The following CDK13 variants were observed in gnomAD, a reference collection of about 807,000 sequenced individuals.
The protein encoded by CDK13 is cyclin-dependent kinase 13.
Under a neutral mutation model 137.6 loss-of-function variants are expected in CDK13, and 40 were observed. The observed-to-expected ratio is 0.29, with a 90% CI of 0.23 to 0.38. The LOEUF is 0.38. Among genes scored for constraint, CDK13 ranks in the 10% least tolerant of loss-of-function variants. The pLI, the probability that CDK13 is intolerant of heterozygous loss-of-function variation, is 1.00. For synonymous variants in CDK13, 869 were observed against 760.1 expected (o/e 1.14, Z -2.36); for missense variants, 1,704 against 1,951.8 (o/e 0.87, Z 2.39).
chr7:39,981,144 A>G (rs1784213895), intron 1 of CDK13, among the ~76,000 whole-genome samples: 1 of 152,140 alleles, frequency 6.6e-6, no homozygotes, highest in Non-Finnish European at 1.5e-5. Context: ...AAGTGGACAG[A>G]TCACTTGAGT....
At chr7:40,052,540 G>T (rs1381436023) in intron 7 of CDK13, among the ~76,000 whole-genome samples, 2 of 152,044 alleles carry the variant, frequency 1.3e-5, no homozygotes, top group South Asian at 2.1e-4. Context: ...ACAATAACCA[G>T]AAAGCATACT....
At position 39,967,928 on chromosome 7, in the gene CDK13, G is replaced by T. The variant is rs536617748; in HGVS notation, c.1211+16076G>T. 7.9e-5 allele frequency among the ~76,000 whole-genome samples: 12 copies of T among 151,858 alleles called. No individual in the cohort carries two copies. The East Asian group carries it at 2.3e-3, about 29-fold the overall frequency. ...AATTGAGATGGGATCTTGCTATGTT[G>T]CCCAGGCTGGTCTCAAACTCCTGGG... On this transcript the variant is annotated intron_variant, in intron 1 of 13. Coordinates refer to ENST00000181839, the MANE Select transcript of CDK13 (RefSeq NM_003718.5).
intron 1 of CDK13, among the ~76,000 whole-genome samples, chr7:39,960,801 C>T (rs901976509): frequency 4.0e-5 from 6 of 150,490 alleles, no homozygotes. Context: ...TCTCGAACTC[C>T]TGACCTCAGG....
At chr7:40,037,433 A>G (rs699513) in intron 5 of CDK13, among the ~76,000 whole-genome samples, 15,268 of 152,216 alleles carry the variant, frequency 0.1, 973 homozygotes, top group Non-Finnish European at 0.14. Flanking sequence ...TGGGCCTTCC[A>G]CAAAGTTGCT....
intron 2 of CDK13, among the ~76,000 whole-genome samples, chr7:39,994,351 G>A (rs1029130706): frequency 2.0e-5 from 3 of 152,008 alleles, no homozygotes; most frequent in Non-Finnish European, 4.4e-5. Context: ...GTTGTTACTG[G>A]TACCGTTTAT....
At chr7:40,063,774 C>T (rs1317480116) in intron 9 of CDK13, among the ~76,000 whole-genome samples, 3 of 152,006 alleles carry the variant, frequency 2.0e-5, no homozygotes, top group Non-Finnish European at 4.4e-5. Context: ...TCTCCTGCCT[C>T]AGCCTCCCGA....
intron 5 of CDK13, among the ~76,000 whole-genome samples, chr7:40,028,806 C>T (rs1402233940): frequency 2.0e-5 from 3 of 151,370 alleles, no homozygotes; most frequent in African/African-American, 7.3e-5. Flanking sequence ...TTACTATGAC[C>T]ACAGTAATGC....
intron 1 of CDK13, among the ~76,000 whole-genome samples, chr7:39,982,098 C>T (rs1275707159): frequency 6.7e-6 from 1 of 149,876 alleles, no homozygotes; most frequent in African/African-American, 2.5e-5. Context: ...ATGTGCCATG[C>T]TGGTGTGCTG....
rs1337667375 is a variant in CDK13, at chr7:39,989,784, CT to C, written c.1871+1542del. ...GAGACTGGTGTTTCTCTACTTTATC[CT>C]TTTTTTTTTTTTTTTGAGACGGAGT... On this transcript the variant is annotated intron_variant, in intron 2 of 13. Transcript: ENST00000181839. Among the ~76,000 whole-genome samples the C allele has an allele frequency of 6.0e-3, 832 of 138,872 alleles. 3 individuals carry two copies. The highest frequency in any genetic ancestry group is 0.015 in the African/African-American group (560 of 38,088). The allele number at this position is 138,872 out of a possible 152,430, so 91.1% of individuals were successfully genotyped here.
intron 1 of CDK13, among the ~76,000 whole-genome samples, chr7:39,955,917 A>G (rs1206187914): frequency 6.6e-6 from 1 of 152,186 alleles, no homozygotes; most frequent in East Asian, 1.9e-4. Context: ...CATTCCACCA[A>G]GAAGCACAGA....
intron 1 of CDK13, among the ~76,000 whole-genome samples, chr7:39,973,268 C>T (rs1425539419): frequency 6.6e-6 from 1 of 152,080 alleles, no homozygotes; most frequent in Non-Finnish European, 1.5e-5. Context: ...TCCTGAGCAG[C>T]TGGGACCACA....
intron 10 of CDK13, 143 bp from the exon 11 acceptor site, chr7:40,078,577 A>G (rs1786596047): frequency 2.8e-6 from 1 of 357,672 alleles, no homozygotes; most frequent in Non-Finnish European, 4.7e-6. Context: ...AGTATTATGC[A>G]CATATTAAAA....
intron 1 of CDK13, chr7:39,984,282 A>T (rs1308916285): frequency 1.3e-5 from 2 of 152,074 alleles, no homozygotes; most frequent in Admixed American, 6.6e-5. Flanking sequence ...ATGGTGGCGC[A>T]CACCTGTTGT....
intron 5 of CDK13, among the ~76,000 whole-genome samples, chr7:40,003,192 ACACACACACACACACT>A (rs1367081307): frequency 8.2e-5 from 8 of 98,100 alleles, no homozygotes; most frequent in Non-Finnish European, 1.1e-4. Context: ...ACACACACAC[ACACACACACACACACT>A]CTCTCTCTCT....
At chr7:39,977,308 C>A (rs1370596317) in intron 1 of CDK13, among the ~76,000 whole-genome samples, 4 of 152,166 alleles carry the variant, frequency 2.6e-5, no homozygotes, top group African/African-American at 7.2e-5. Flanking sequence ...GCTGTGAATT[C>A]TTTTCAATAG....
At position 39,950,751 on chromosome 7, in the gene CDK13, C is replaced by A. The variant is rs1787126820; in HGVS notation, c.110C>A (p.Pro37Gln). Residue 37 changes from proline to glutamine, a missense_variant, in exon 1 of 14, where the codon CCG becomes CAG. Physicochemically the swap from Pro to Gln is moderately conservative, Grantham distance 76. Around this residue, in one of 5 missense-constraint regions of CDK13, gnomAD observed 1,051 missense variants for 931.0 expected, o/e 1.13. Coordinates refer to ENST00000181839, the MANE Select transcript of CDK13 (RefSeq NM_003718.5). Reference sequence around the variant, plus strand: ...AGGCGATTCCTGTCCCCTCAGCAGCCGCCGCTGCTGTTGCCGCTCCTGCAG... The same window carrying A: ...AGGCGATTCCTGTCCCCTCAGCAGCAGCCGCTGCTGTTGCCGCTCCTGCAG... The part of the protein sequence containing the change: ...KRRRFLSPQQ[P>Q]PLLLPLLQPQ... 3 of 1,475,628 alleles carry A rather than the reference C, an allele frequency of 2.0e-6. No homozygotes were observed. Among genetic ancestry groups the A allele is most frequent in the African/African-American group, 1.5e-5 (1 of 68,220 alleles). The allele number at this position is 1,475,628 out of a possible 1,614,324, so 91.4% of individuals were successfully genotyped here.
chr7:40,022,624 T>G (rs1584000545), intron 5 of CDK13, among the ~76,000 whole-genome samples: 1 of 150,444 alleles, frequency 6.6e-6, no homozygotes, highest in Admixed American at 6.6e-5. Context: ...GGGGCTGGGG[T>G]GGGGTTAGGG....
rs745317132 is a variant in CDK13 at position 39,951,651 on chromosome 7, G to C, written c.1010G>C (p.Ser337Thr). 6 of 1,477,844 alleles carry C rather than the reference G, an allele frequency of 4.1e-6. No homozygotes were observed. Among genetic ancestry groups the C allele is most frequent in the Non-Finnish European group, 5.4e-6 (6 of 1,118,720 alleles). The allele number at this position is 1,477,844 out of a possible 1,614,324, so 91.5% of individuals were successfully genotyped here. The change falls in exon 1 of 14, where the codon AGC (serine) becomes ACC (threonine). Residue 337 changes from serine to threonine, a missense_variant. Ser to Thr is a moderately conservative substitution (Grantham distance 58). Coordinates refer to ENST00000181839, the MANE Select transcript of CDK13 (RefSeq NM_003718.5). The stretch of plus-strand genomic sequence containing the variant: ...CACAGGGCCTCTCAGAGCCTGAGGA[G>C]CCGCAAGTCCCCCAGCCCGGCAGGA... ...VSHRASQSLR[S>T]RKSPSPAGGG...
intron 9 of CDK13, among the ~76,000 whole-genome samples, chr7:40,064,797 T>C (rs1270098478): frequency 2.7e-5 from 4 of 150,820 alleles, no homozygotes; most frequent in African/African-American, 9.7e-5. Context: ...TTTTTTTTTT[T>C]TTCCTGTTTT....
Sources: allele counts gnomAD v4.1 joint callset (sites outside exome capture counted in the v4.1 genomes callset), GRCh38; gene constraint gnomAD v4.1.1; regional missense constraint gnomAD v4.1.1; transcripts MANE v1.5; gene names NCBI Gene and HGNC (gene_info 2026-07-23, HGNC 2026-07-21).